Variants in ADGRL3 observed in about 807,000 individuals in gnomAD.
ADGRL3 encodes calcium-independent alpha-latrotoxin receptor 3.
In ADGRL3, 62 loss-of-function variants were observed where a neutral mutation model predicts 153.5. The observed-to-expected ratio is 0.40, with a 90% CI of 0.33 to 0.50. ADGRL3 has a LOEUF of 0.50. Among genes scored for constraint, ADGRL3 ranks in the 20% least tolerant of loss-of-function variants. The probability of loss-of-function intolerance (pLI) is 0.47; values close to 1 mark genes in which losing one functional copy is unlikely to be tolerated. For synonymous variants in ADGRL3, 710 were observed against 672.5 expected, an observed-to-expected ratio of 1.06 and a Z score of -0.86; for missense variants, 1,641 against 1,859.4, an observed-to-expected ratio of 0.88 and a Z score of 2.16.
In ADGRL3 at chr4:61,279,163, C is replaced by A. The variant is rs533602099; in HGVS notation, c.-240+77398C>A. Reference sequence around the variant, plus strand: ...AAGTTGTAATATTTCAGCTTAGGGGCAGATACTTTAAAAATATGGATCTGT... The same window carrying A: ...AAGTTGTAATATTTCAGCTTAGGGGAAGATACTTTAAAAATATGGATCTGT... On this transcript the variant is annotated intron_variant, in intron 1 of 26. Coordinates refer to ENST00000683033, the MANE Select transcript of ADGRL3 (RefSeq NM_001387552.1). 4.6e-5 allele frequency among the ~76,000 whole-genome samples: 7 copies of A among 152,224 alleles called. No individual in the cohort carries two copies. The East Asian group carries it at 1.4e-3, about 29-fold the overall frequency.
chr4:61,715,104 T>G (rs2151537079), intron 6 of ADGRL3, among the ~76,000 whole-genome samples: 1 of 152,322 alleles, frequency 6.6e-6, no homozygotes, highest in Admixed American at 6.5e-5. Context: ...TTTAACATAT[T>G]ATCTACCTTC....
intron 1 of ADGRL3, among the ~76,000 whole-genome samples, chr4:61,219,922 A>C (rs1744621061): frequency 6.6e-6 from 1 of 152,060 alleles, no homozygotes; most frequent in Non-Finnish European, 1.5e-5. Flanking sequence ...AACCTGGACA[A>C]CATGGTGAAA....
At chr4:62,024,817 C>G (rs1222456500) in intron 21 of ADGRL3, among the ~76,000 whole-genome samples, 1 of 151,124 alleles carries the variant, frequency 6.6e-6, no homozygotes, top group Non-Finnish European at 1.5e-5. Flanking sequence ...GTATTCCCAG[C>G]TACTCAGGAG....
chr4:61,806,692 T>A (rs907385309), intron 8 of ADGRL3, among the ~76,000 whole-genome samples: 4 of 152,086 alleles, frequency 2.6e-5, no homozygotes, highest in Non-Finnish European at 4.4e-5. Flanking sequence ...TTTTGATAGG[T>A]GAATTGATTT....
chr4:61,759,596 T>A (rs2096884124), intron 8 of ADGRL3, among the ~76,000 whole-genome samples: 1 of 152,056 alleles, frequency 6.6e-6, no homozygotes, highest in African/African-American at 2.4e-5. Context: ...AGGTTTTTAA[T>A]TTCTTTGCCA....
At chr4:61,851,564 T>C (rs567902696) in intron 9 of ADGRL3, among the ~76,000 whole-genome samples, 90 of 124,824 alleles carry the variant, frequency 7.2e-4, no homozygotes, top group African/African-American at 2.8e-3. Flanking sequence ...CACGCCAGCA[T>C]GAGCAACAGA....
chr4:61,674,180 AG>A (rs2095108021), intron 5 of ADGRL3, among the ~76,000 whole-genome samples: 1 of 150,738 alleles, frequency 6.6e-6, no homozygotes, highest in Non-Finnish European at 1.5e-5. Context: ...ATAGATAGAT[AG>A]ATAGATAGAT....
At chr4:61,686,217 T>C (rs768294396) in intron 6 of ADGRL3, among the ~76,000 whole-genome samples, 54 of 152,070 alleles carry the variant, frequency 3.6e-4, no homozygotes, top group Non-Finnish European at 7.1e-4. Context: ...AGTTAAAATA[T>C]CTTGTTTTAA....
At chr4:61,955,947 T>C (rs2098964663) in intron 17 of ADGRL3, among the ~76,000 whole-genome samples, 1 of 152,186 alleles carries the variant, frequency 6.6e-6, no homozygotes, top group Non-Finnish European at 1.5e-5. Flanking sequence ...TGGTGGGCAA[T>C]TGGTTTGGTT....
At chr4:61,664,353 G>C (rs2094709163) in intron 5 of ADGRL3, among the ~76,000 whole-genome samples, 1 of 151,954 alleles carries the variant, frequency 6.6e-6, no homozygotes, top group African/African-American at 2.4e-5. Flanking sequence ...TTTTAAATGT[G>C]GTTTGGAATA....
intron 4 of ADGRL3, among the ~76,000 whole-genome samples, chr4:61,564,992 T>A (rs2098810531): frequency 6.6e-6 from 1 of 152,136 alleles, no homozygotes; most frequent in Admixed American, 6.6e-5. Flanking sequence ...AGATTAATGA[T>A]TACAGATCAC....
intron 1 of ADGRL3, among the ~76,000 whole-genome samples, chr4:61,357,133 G>T: frequency 6.6e-6 from 1 of 151,858 alleles, no homozygotes; most frequent in Non-Finnish European, 1.5e-5. Context: ...TCTATCTGGG[G>T]AAAGTAATGA....
chr4:61,378,972 A>C (rs2096636627), intron 1 of ADGRL3, among the ~76,000 whole-genome samples: 1 of 151,966 alleles, frequency 6.6e-6, no homozygotes, highest in African/African-American at 2.4e-5. Flanking sequence ...TAACCATGGT[A>C]ATATTCGTGA....
At chr4:61,496,541 C>G (rs1007865308) in intron 2 of ADGRL3, among the ~76,000 whole-genome samples, 3 of 152,042 alleles carry the variant, frequency 2.0e-5, no homozygotes, top group Non-Finnish European at 4.4e-5. Context: ...ACCCGGGAGG[C>G]TGAGGCAGGA....
intron 2 of ADGRL3, among the ~76,000 whole-genome samples, chr4:61,473,269 T>G (rs1425434792): frequency 1.3e-5 from 2 of 151,544 alleles, no homozygotes; most frequent in African/African-American, 4.9e-5. Flanking sequence ...AGGGGAAACT[T>G]TTAAAATATT....
intron 2 of ADGRL3, among the ~76,000 whole-genome samples, chr4:61,442,999 C>G (rs1180580238): frequency 6.6e-6 from 1 of 151,958 alleles, no homozygotes. Flanking sequence ...TATAATGTAT[C>G]TTGGAAACAT....
At chr4:61,772,562 T>C (rs759819333) in intron 8 of ADGRL3, among the ~76,000 whole-genome samples, 27 of 152,198 alleles carry the variant, frequency 1.8e-4, no homozygotes, top group Admixed American at 1.0e-3. Flanking sequence ...AGTATTTTTA[T>C]GTGAGATTTG....
intron 1 of ADGRL3, among the ~76,000 whole-genome samples, chr4:61,279,753 C>G (rs1038047473): frequency 6.6e-6 from 1 of 152,034 alleles, no homozygotes; most frequent in Non-Finnish European, 1.5e-5. Context: ...TTCTGTACCC[C>G]TCATCCACCG....
chr4:61,491,985 TC>T (rs1353056511), intron 2 of ADGRL3, among the ~76,000 whole-genome samples: 1 of 151,272 alleles, frequency 6.6e-6, no homozygotes, highest in South Asian at 2.1e-4. Context: ...AGTTGTAAGG[TC>T]ATAGCTATGA....
Sources: gnomAD v4.1 joint callset for allele counts (sites outside exome capture counted in the v4.1 genomes callset) on GRCh38, gnomAD v4.1.1 for gene constraint, MANE v1.5 for transcripts, NCBI Gene and HGNC (gene_info 2026-07-23, HGNC 2026-07-21) for gene names.